Variants in INA observed in about 807,000 individuals in gnomAD.
INA encodes the protein alpha-internexin.
A neutral mutation model predicts 40.1 loss-of-function variants in INA; 35 were observed. The ratio of observed to expected loss-of-function variants is 0.87; its 90% CI spans 0.67 to 1.16. The LOEUF (loss-of-function observed/expected upper bound fraction) is 1.16, where lower values mean the gene tolerates loss of function less well. INA is among the 50% of genes most tolerant of loss of function. The pLI is 0.00. For missense variants in INA, 594 were observed against 686.7 expected (o/e 0.87, Z 1.51); for synonymous variants, 290 against 316.9 (o/e 0.92, Z 0.90).
In INA at chr10:103,277,616, G is replaced by A; in HGVS notation, c.405G>A (p.Glu135=). ...ELAALRQRHA[E]PSRVGELFQR... ...CCGCGCTGCGACAGCGCCACGCTGA[G>A]CCGTCGCGCGTCGGCGAGCTCTTCC... is the stretch of plus-strand genomic sequence containing the variant. Residue 135 remains glutamate (E), a synonymous_variant, in exon 1 of 3, where the codon GAG becomes GAA. Transcript: ENST00000369849. This position sits in a 1 kb window ranked among gnomAD's most constrained non-coding sequence, Gnocchi z 5.6. The A allele has an allele frequency of 6.6e-7, 1 of 1,504,506 alleles. No individual in the cohort carries two copies. Among genetic ancestry groups the A allele is most frequent in the Non-Finnish European group, 8.8e-7 (1 of 1,133,154 alleles). 93.2% of individuals were successfully genotyped at this position (1,504,506 alleles called of 1,614,324 possible).
At position 103,286,898 on chromosome 10, in the gene INA, C is replaced by A. The variant is rs1056930105; in HGVS notation, c.1066-137C>A. ...GTGAATCTGGATCTGGACTCAGGGA[C>A]AGACCTGGATATAAGCAAGTTATAA... On this transcript the variant is annotated intron_variant, in intron 1 of 2. Transcript: ENST00000369849. 4 of 820,372 alleles carry A rather than the reference C, an allele frequency of 4.9e-6. No homozygotes were observed. In the African/African-American group the frequency reaches 5.2e-5, roughly 11 times the overall value. 50.8% of individuals were successfully genotyped at this position (820,372 alleles called of 1,614,324 possible).
At position 103,288,775 on chromosome 10, in the gene INA, T is replaced by G. The variant is rs183326621; in HGVS notation, c.*106T>G. ...ACACCTGCCACCACTATAAAATGTC[T>G]TCAAGGCTTCAGTCTCATATTTAGT... On this transcript the variant is annotated 3_prime_UTR_variant, in exon 3 of 3. Transcript: ENST00000369849. The G allele has an allele frequency of 7.7e-4, 552 of 713,506 alleles. No homozygotes were observed. The highest frequency in any genetic ancestry group is 7.6e-3 in the African/African-American group (427 of 55,912). 44.2% of individuals were successfully genotyped at this position (713,506 alleles called of 1,614,324 possible).
At position 103,277,605 on chromosome 10, in the gene INA, C is replaced by T. The variant is rs1177406922; in HGVS notation, c.394C>T (p.Arg132Cys). Reference sequence around the variant, plus strand: ...GGCCGAGCTGGCCGCGCTGCGACAGCGCCACGCTGAGCCGTCGCGCGTCGG... The same window carrying T: ...GGCCGAGCTGGCCGCGCTGCGACAGTGCCACGCTGAGCCGTCGCGCGTCGG... ...LEAELAALRQ[R>C]HAEPSRVGEL... The change falls in exon 1 of 3, where the codon CGC (arginine) becomes TGC (cysteine). Residue 132 changes from arginine to cysteine, a missense_variant. Physicochemically the swap from Arg to Cys is radical, Grantham distance 180 (BLOSUM62 -3). Transcript: ENST00000369849. This position sits in a 1 kb window ranked among gnomAD's most constrained non-coding sequence, Gnocchi z 5.6. 4.5e-6 allele frequency: 7 copies of T among 1,542,942 alleles called. No individual in the cohort carries two copies. The highest frequency in any genetic ancestry group is 6.1e-6 in the Non-Finnish European group (7 of 1,152,134).
chr10:103,289,859 A>T lies in INA; in HGVS notation c.*1190A>T, dbSNP rs1013492811. 7 of 152,464 alleles carry T rather than the reference A, an allele frequency of 4.6e-5. No individual in the cohort carries two copies. Among genetic ancestry groups the T allele is most frequent in the African/African-American group, 1.7e-4 (7 of 41,458 alleles). 9.4% of individuals were successfully genotyped at this position (152,464 alleles called of 1,614,324 possible). A position where few individuals can be genotyped will look rare whatever the true frequency, so the allele number is the denominator to read the frequency against. On this transcript the variant is annotated 3_prime_UTR_variant, in exon 3 of 3. Transcript: ENST00000369849. ...TCTGGTCAATCAACACTACCAGCGT[A>T]TATATAAGAAAGACATCTTTCTCTT...
Position 103,278,383 on chromosome 10 carries a change from A to T in INA, c.1065+107A>T. Reference sequence around the variant, plus strand: ...AGGACTTAAGGGGAGGGCAAAAGAGAGGAGAGAAGAGCCGCGGCTGGAGGC... The same window carrying T: ...AGGACTTAAGGGGAGGGCAAAAGAGTGGAGAGAAGAGCCGCGGCTGGAGGC... On this transcript the variant is annotated intron_variant, in intron 1 of 2. Coordinates refer to ENST00000369849, the MANE Select transcript of INA (RefSeq NM_032727.4). The surrounding 1 kb of genome is among the most constrained non-coding windows in gnomAD (Gnocchi z 4.9). 2.2e-6 allele frequency: 2 copies of T among 907,654 alleles called. No homozygotes were observed. Among genetic ancestry groups the T allele is most frequent in the South Asian group, 3.8e-5 (2 of 53,248 alleles). The allele number at this position is 907,654 out of a possible 1,614,324, so 56.2% of individuals were successfully genotyped here.
Position 103,277,542 on chromosome 10 carries a change from A to G in INA, c.331A>G (p.Lys111Glu). Residue 111 changes from lysine (K) to glutamate (E), a missense_variant, in exon 1 of 3, where the codon AAG becomes GAG. By Grantham distance (56) the Lys-to-Glu change is moderately conservative. Around this residue, in one of 2 missense-constraint regions of INA, gnomAD observed 215 missense variants for 190.6 expected, o/e 1.13. Transcript: ENST00000369849. The surrounding 1 kb of genome is among the most constrained non-coding windows in gnomAD (Gnocchi z 5.6). ...CGACCGCTTCGCCGTGTTCATCGAGAAGGTGCATCAGCTGGAGACGCAGAA... is the reference window on the plus strand; with the variant it reads ...CGACCGCTTCGCCGTGTTCATCGAGGAGGTGCATCAGCTGGAGACGCAGAA... ...LNDRFAVFIE[K>E]VHQLETQNRA... 1 of 1,585,486 alleles carries G rather than the reference A, an allele frequency of 6.3e-7. No individual in the cohort carries two copies. Among genetic ancestry groups the G allele is most frequent in the African/African-American group, 1.4e-5 (1 of 72,192 alleles).
Position 103,278,767 on chromosome 10 carries a change from C to T in INA, c.1065+491C>T, listed in dbSNP as rs2093066651. 6.6e-6 allele frequency among the ~76,000 whole-genome samples: 1 copy of T among 151,906 alleles called. No homozygotes were observed. ...GATCCTGAACTGGGAAGAGTCCTAT[C>T]CCATTTTCTTGACTTTCGCGCTCCA... is the stretch of plus-strand genomic sequence containing the variant. On this transcript the variant is annotated intron_variant, in intron 1 of 2. Transcript: ENST00000369849. This position sits in a 1 kb window ranked among gnomAD's most constrained non-coding sequence, Gnocchi z 4.9.
rs2093095292 is a variant in INA at position 103,289,648 on chromosome 10, C to G, written c.*979C>G. ...CCAAGGTGTCATTTATGTGTCAGTTCATTTGTGGTGATATAGAATTAGCTT... is the reference window on the plus strand; with the variant it reads ...CCAAGGTGTCATTTATGTGTCAGTTGATTTGTGGTGATATAGAATTAGCTT... On this transcript the variant is annotated 3_prime_UTR_variant, in exon 3 of 3. Transcript: ENST00000369849. 1 of 152,452 alleles carries G rather than the reference C, an allele frequency of 6.6e-6. No individual in the cohort carries two copies. Among genetic ancestry groups the G allele is most frequent in the African/African-American group, 2.4e-5 (1 of 41,428 alleles). 9.4% of individuals were successfully genotyped at this position (152,452 alleles called of 1,614,324 possible).
rs898122257 is a variant in INA, at chr10:103,289,534, C to G, written c.*865C>G. 1 of 152,586 alleles carries G rather than the reference C, an allele frequency of 6.6e-6. No homozygotes were observed. Among genetic ancestry groups the G allele is most frequent in the Non-Finnish European group, 1.5e-5 (1 of 68,040 alleles). 9.5% of individuals were successfully genotyped at this position (152,586 alleles called of 1,614,324 possible). A position where few individuals can be genotyped will look rare whatever the true frequency, so the allele number is the denominator to read the frequency against. On this transcript the variant is annotated 3_prime_UTR_variant, in exon 3 of 3. Transcript: ENST00000369849. ...TAGCTTTTCACCTTTACTTTAGAAG[C>G]ACAGTAAATATCCCAAACTGTGATG...
Position 103,288,494 on chromosome 10 carries a change from C to G in INA, c.1325C>G (p.Thr442Ser), listed in dbSNP as rs1467394183. Reference protein sequence around the residue: ...LSATTSKVSSTGLSLKKEEEE... With the variant: ...LSATTSKVSSSGLSLKKEEEE... The stretch of plus-strand genomic sequence containing the variant: ...GCTACAACCTCCAAAGTCTCATCCA[C>G]TGGGCTATCACTTAAGAAAGAGGAG... Residue 442 changes from threonine to serine, a missense_variant, in exon 3 of 3, where the codon ACT becomes AGT. Thr to Ser is a moderately conservative substitution (Grantham distance 58, BLOSUM62 1). Around this residue, in one of 2 missense-constraint regions of INA, gnomAD observed 379 missense variants for 496.1 expected, o/e 0.76. Transcript: ENST00000369849. 3.7e-6 allele frequency: 6 copies of G among 1,613,774 alleles called. No homozygotes were observed. Among genetic ancestry groups the G allele is most frequent in the African/African-American group, 2.7e-5 (2 of 74,820 alleles).
Position 103,278,424 on chromosome 10 carries a change from A to G in INA, c.1065+148A>G. On this transcript the variant is annotated intron_variant, in intron 1 of 2. Transcript: ENST00000369849. The surrounding 1 kb of genome is among the most constrained non-coding windows in gnomAD (Gnocchi z 4.9). The stretch of plus-strand genomic sequence containing the variant: ...GGCTGGAGGCGCTGGTTAACAAAAA[A>G]CCCTGGAGTCTTTAATGTTAATTTT... The G allele has an allele frequency of 3.1e-6, 2 of 644,222 alleles. No individual in the cohort carries two copies. Among genetic ancestry groups the G allele is most frequent in the Non-Finnish European group, 5.2e-6 (2 of 381,976 alleles). The allele number at this position is 644,222 out of a possible 1,614,324, so 39.9% of individuals were successfully genotyped here.
At position 103,277,367 on chromosome 10, in the gene INA, C is replaced by T; in HGVS notation, c.156C>T (p.Ala52=). The change falls in exon 1 of 3, where the codon GCC becomes GCT. Residue 52 remains alanine, a synonymous_variant. Transcript: ENST00000369849. This position sits in a 1 kb window ranked among gnomAD's most constrained non-coding sequence, Gnocchi z 5.6. The stretch of plus-strand genomic sequence containing the variant: ...CCCGCAGCAATGTGGCCTCCTCGGC[C>T]GCCTGCTCCTCGGCCTCGTCGCTCG... ...SLSRSNVASS[A]ACSSASSLGL... 2 of 1,568,108 alleles carry T rather than the reference C, an allele frequency of 1.3e-6. No individual in the cohort carries two copies. Among genetic ancestry groups the T allele is most frequent in the Admixed American group, 1.8e-5 (1 of 55,582 alleles).
chr10:103,278,534 C>T lies in INA; in HGVS notation c.1065+258C>T, dbSNP rs1406646401. ...TTATTTGAGGTTCGAAAACCCAACT[C>T]TGCCTGTCTGTCAGCAAGCGGGCCT... is the stretch of plus-strand genomic sequence containing the variant. On this transcript the variant is annotated intron_variant, in intron 1 of 2. Transcript: ENST00000369849. This position sits in a 1 kb window ranked among gnomAD's most constrained non-coding sequence, Gnocchi z 4.9. Among the ~76,000 whole-genome samples, 1 of 152,220 alleles carries T rather than the reference C, an allele frequency of 6.6e-6. No individual in the cohort carries two copies. Among genetic ancestry groups the T allele is most frequent in the Non-Finnish European group, 1.5e-5 (1 of 68,038 alleles).
At chr10:103,287,731 TAAAA>T (rs942151006) in intron 2 of INA, among the ~76,000 whole-genome samples, 2 of 77,984 alleles carry the variant, frequency 2.6e-5, no homozygotes, top group South Asian at 3.9e-4. Context: ...AGACTCTGTC[TAAAA>T]AAAAAAAAAA....
rs2093067117 is a variant in INA at position 103,278,926 on chromosome 10, C to T, written c.1065+650C>T. On this transcript the variant is annotated intron_variant, in intron 1 of 2. Coordinates refer to ENST00000369849, the MANE Select transcript of INA (RefSeq NM_032727.4). This position sits in a 1 kb window ranked among gnomAD's most constrained non-coding sequence, Gnocchi z 4.9. Reference sequence around the variant, plus strand: ...CAGCACACACACACACACACACACACACACACACGATTCCCTTGTCCACCA... The same window carrying T: ...CAGCACACACACACACACACACACATACACACACGATTCCCTTGTCCACCA... Among the ~76,000 whole-genome samples the T allele has an allele frequency of 6.6e-6, 1 of 151,870 alleles. No homozygotes were observed. The highest frequency in any genetic ancestry group is 2.4e-5 in the African/African-American group (1 of 41,338).
In INA at chr10:103,277,700, G is replaced by A; in HGVS notation, c.489G>A (p.Gln163=). Residue 163 remains glutamine (Q), a synonymous_variant, in exon 1 of 3, where the codon CAG becomes CAA. Transcript: ENST00000369849. This position sits in a 1 kb window ranked among gnomAD's most constrained non-coding sequence, Gnocchi z 5.6. The part of the protein sequence containing the change: ...QLEEASSARS[Q]ALLERDGLAE... ...AGGAGGCCAGCTCGGCTCGCTCGCAGGCCCTGCTGGAGCGCGACGGGCTGG... is the reference window on the plus strand; with the variant it reads ...AGGAGGCCAGCTCGGCTCGCTCGCAAGCCCTGCTGGAGCGCGACGGGCTGG... 1 of 1,375,712 alleles carries A rather than the reference G, an allele frequency of 7.3e-7. No individual in the cohort carries two copies. The highest frequency in any genetic ancestry group is 1.5e-5 in the African/African-American group (1 of 65,146). 85.2% of individuals were successfully genotyped at this position (1,375,712 alleles called of 1,614,324 possible).
At chr10:103,283,089 G>A (rs7095680) in intron 1 of INA, among the ~76,000 whole-genome samples, 4 of 152,258 alleles carry the variant, frequency 2.6e-5, no homozygotes, top group East Asian at 1.9e-4. Context: ...ATAACTTTCC[G>A]TATGCAGAAG....
chr10:103,288,320 T>G, intron 2 of INA, 40 bp from the exon 3 acceptor site: 1 of 1,533,232 alleles, frequency 6.5e-7, no homozygotes, highest in Non-Finnish European at 8.8e-7. Context: ...GGGGGAAAAG[T>G]TATTGACTTC....
Position 103,289,813 on chromosome 10 carries a change from C to T in INA, c.*1144C>T, listed in dbSNP as rs942221334. 5 of 152,170 alleles carry T rather than the reference C, an allele frequency of 3.3e-5. No homozygotes were observed. Among genetic ancestry groups the T allele is most frequent in the African/African-American group, 1.2e-4 (5 of 41,420 alleles). 9.4% of individuals were successfully genotyped at this position (152,170 alleles called of 1,614,324 possible). ...TGTCACCAGAACACAATGCTACCGCCCCAAAGTAAAAGAAACCACTTCTGG... is the reference window on the plus strand; with the variant it reads ...TGTCACCAGAACACAATGCTACCGCTCCAAAGTAAAAGAAACCACTTCTGG... On this transcript the variant is annotated 3_prime_UTR_variant, in exon 3 of 3. Coordinates refer to ENST00000369849, the MANE Select transcript of INA (RefSeq NM_032727.4).
Sources: gnomAD v4.1 joint callset for allele counts (sites outside exome capture counted in the v4.1 genomes callset) on GRCh38, gnomAD v4.1.1 for gene constraint, gnomAD v4.1.1 regional missense constraint, Gnocchi (gnomAD v3.1) non-coding constraint, MANE v1.5 for transcripts, NCBI Gene and HGNC (gene_info 2026-07-23, HGNC 2026-07-21) for gene names.